Variants in CELSR1 observed in about 807,000 individuals in gnomAD.
The protein encoded by CELSR1 is adhesion G protein-coupled receptor C1.
A neutral mutation model predicts 249.1 loss-of-function variants in CELSR1; 110 were observed. That is an observed-to-expected ratio of 0.44 (90% CI 0.38 to 0.52). The LOEUF (loss-of-function observed/expected upper bound fraction) is 0.52. Ranked by LOEUF, CELSR1 falls within the 20% of genes least tolerant of loss-of-function variation. The pLI, the probability that CELSR1 is intolerant of heterozygous loss-of-function variation, is 0.00. For missense variants in CELSR1, 4,109 were observed against 4,296.4 expected, an observed-to-expected ratio of 0.96 and a Z score of 1.22; for synonymous variants, 2,113 against 1,900.0, an observed-to-expected ratio of 1.11 and a Z score of -2.92.
intron 1 of CELSR1, among the ~76,000 whole-genome samples, chr22:46,533,114 G>C (rs113341242): frequency 6.6e-6 from 1 of 152,184 alleles, no homozygotes; most frequent in Non-Finnish European, 1.5e-5. Flanking sequence ...TTATCTGCAG[G>C]AGACAGAAAA....
In CELSR1 at chr22:46,500,816, C is replaced by T. The variant is rs1320251881; in HGVS notation, c.3544+32811G>A. On this transcript the variant is annotated intron_variant, in intron 1 of 34. Coordinates refer to ENST00000674500, the MANE Select transcript of CELSR1 (RefSeq NM_001378328.1). This position sits in a 1 kb window ranked among gnomAD's most constrained non-coding sequence, Gnocchi z 4.9. ...AGGCCAGCAGCAGGTCAGGCCACTA[C>T]ATTGCGTCTCTCAGGCTCAGAACAT... Among the ~76,000 whole-genome samples, 1 of 152,176 alleles carries T rather than the reference C, an allele frequency of 6.6e-6. No homozygotes were observed. Among genetic ancestry groups the T allele is most frequent in the African/African-American group, 2.4e-5 (1 of 41,446 alleles).
In CELSR1 at chr22:46,410,503, A is replaced by C; in HGVS notation, c.4828T>G (p.Phe1610Val). 6.2e-7 allele frequency: 1 copy of C among 1,614,100 alleles called. No individual in the cohort carries two copies. Among genetic ancestry groups the C allele is most frequent in the Non-Finnish European group, 8.5e-7 (1 of 1,180,012 alleles). The change falls in exon 7 of 35, where the codon TTC (phenylalanine) becomes GTC (valine). Residue 1610 changes from phenylalanine to valine, a missense_variant. This residue lies in a region of CELSR1 where 453 missense variants were observed against 492.0 expected (regional missense o/e 0.92). Transcript: ENST00000674500. The surrounding 1 kb of genome is among the most constrained non-coding windows in gnomAD (Gnocchi z 6.8). The part of the protein sequence containing the change: ...LGGVPNLPED[F>V]PVHNRQFVGC... ...ACGAACTGCCGGTTGTGCACTGGGA[A>C]GTCTTCTGGCAGGTTGGGGACACCC...
rs111236533 is a variant in CELSR1 at position 46,401,923 on chromosome 22, CT to C, written c.5227-2022del. On this transcript the variant is annotated intron_variant, in intron 9 of 34. Transcript: ENST00000674500. The surrounding 1 kb of genome is among the most constrained non-coding windows in gnomAD (Gnocchi z 4.7). ...CCAACAAGGTGAAACCCCATCTCTACTAAAAATACAAAAAATTAGCTGGGCG... is the reference window on the plus strand; with the variant it reads ...CCAACAAGGTGAAACCCCATCTCTACAAAAATACAAAAAATTAGCTGGGCG... Among the ~76,000 whole-genome samples, 11,410 of 152,102 alleles carry C rather than the reference CT, an allele frequency of 0.075. 1,338 individuals are homozygous for C. Among genetic ancestry groups the C allele is most frequent in the African/African-American group, 0.26 (10,611 of 41,450 alleles).
At position 46,380,776 on chromosome 22, in the gene CELSR1, C is replaced by A; in HGVS notation, c.7256+12G>T. ...CAAAGCCCTCACATGGGGCTCCTGGCGTCACACTTACGCCAGGGAGTGGTT... is the reference window on the plus strand; with the variant it reads ...CAAAGCCCTCACATGGGGCTCCTGGAGTCACACTTACGCCAGGGAGTGGTT... On this transcript the variant is annotated intron_variant, in intron 22 of 34. Transcript: ENST00000674500. The surrounding 1 kb of genome is among the most constrained non-coding windows in gnomAD (Gnocchi z 5.1). 1 of 1,609,252 alleles carries A rather than the reference C, an allele frequency of 6.2e-7. No individual in the cohort carries two copies. The highest frequency in any genetic ancestry group is 1.3e-5 in the African/African-American group (1 of 74,982).
chr22:46,375,461 G>A (rs1172939302), intron 24 of CELSR1, among the ~76,000 whole-genome samples: 1 of 151,706 alleles, frequency 6.6e-6, no homozygotes, highest in African/African-American at 2.4e-5. Context: ...TCAGTTCTGG[G>A]TCTCCACCCC....
intron 2 of CELSR1, among the ~76,000 whole-genome samples, chr22:46,461,875 G>A (rs550140514): frequency 1.6e-4 from 24 of 152,352 alleles, no homozygotes; most frequent in Admixed American, 9.8e-4. Context: ...GGCGCTGACC[G>A]TGCTGGCCAC....
chr22:46,368,172 G>A (rs1480464660), intron 27 of CELSR1, among the ~76,000 whole-genome samples: 3 of 152,180 alleles, frequency 2.0e-5, no homozygotes, highest in African/African-American at 4.8e-5. Flanking sequence ...ACTAGCTCCC[G>A]TGAGATACCC....
intron 2 of CELSR1, chr22:46,462,779 G>A (rs542601857): frequency 8.9e-6 from 3 of 337,708 alleles, no homozygotes; most frequent in Admixed American, 4.8e-5. Context: ...GAGAATGTGT[G>A]TTTCTGTACC....
chr22:46,450,955 A>T (rs2147519220), intron 2 of CELSR1, among the ~76,000 whole-genome samples: 1 of 152,318 alleles, frequency 6.6e-6, no homozygotes, highest in East Asian at 1.9e-4. Flanking sequence ...CACCTGCGCA[A>T]GGGCGAGGTT....
intron 26 of CELSR1, 89 bp downstream of exon 26, chr22:46,369,603 G>A: frequency 3.3e-6 from 4 of 1,227,250 alleles, no homozygotes; most frequent in Non-Finnish European, 4.7e-6. Flanking sequence ...GCTGCTCAGA[G>A]GAGTTGGTGG....
At chr22:46,465,827 G>A (rs1034949279) in intron 1 of CELSR1, among the ~76,000 whole-genome samples, 2 of 152,200 alleles carry the variant, frequency 1.3e-5, no homozygotes, top group East Asian at 1.9e-4. Flanking sequence ...TGAGGAAAAC[G>A]GAGGCAGAAG....
chr22:46,435,172 G>C (rs2079643577), intron 4 of CELSR1, among the ~76,000 whole-genome samples: 1 of 146,294 alleles, frequency 6.8e-6, no homozygotes, highest in African/African-American at 2.5e-5. Context: ...GGCTGGTCTT[G>C]AACTTCTGAG....
At position 46,395,226 on chromosome 22, in the gene CELSR1, G is replaced by A. The variant is rs968854523; in HGVS notation, c.5844-964C>T. ...CCCCTGCAGCAGTGGTGACTGTGGC[G>A]CCGGGCATGGAGATGCTGGATCAGC... On this transcript the variant is annotated intron_variant, in intron 13 of 34. Coordinates refer to ENST00000674500, the MANE Select transcript of CELSR1 (RefSeq NM_001378328.1). The surrounding 1 kb of genome is among the most constrained non-coding windows in gnomAD (Gnocchi z 5.5). Among the ~76,000 whole-genome samples, 3 of 152,152 alleles carry A rather than the reference G, an allele frequency of 2.0e-5. No homozygotes were observed. Among genetic ancestry groups the A allele is most frequent in the East Asian group, 1.9e-4 (1 of 5,200 alleles).
intron 1 of CELSR1, among the ~76,000 whole-genome samples, chr22:46,465,520 G>A (rs2080087044): frequency 6.6e-6 from 1 of 152,202 alleles, no homozygotes; most frequent in Admixed American, 6.5e-5. Context: ...GGCCTTTGGA[G>A]GGTGATGAGG....
In CELSR1 at chr22:46,537,014, C is replaced by T; in HGVS notation, c.157G>A (p.Gly53Ser). Reference protein sequence around the residue: ...ALRPGCTYAVGAACTPRAPRE... With the variant: ...ALRPGCTYAVSAACTPRAPRE... ...GGCGCCCGGGGCGTGCAAGCGGCGC[C>T]CACCGCGTAGGTACAGCCGGGCCGG... The change falls in exon 1 of 35, where the codon GGC (glycine) becomes AGC (serine). Residue 53 changes from glycine (G) to serine (S), a missense_variant. Coordinates refer to ENST00000674500, the MANE Select transcript of CELSR1 (RefSeq NM_001378328.1). The surrounding 1 kb of genome is among the most constrained non-coding windows in gnomAD (Gnocchi z 5.8). The T allele has an allele frequency of 9.0e-7, 1 of 1,108,258 alleles. No homozygotes were observed. Among genetic ancestry groups the T allele is most frequent in the Non-Finnish European group, 1.1e-6 (1 of 910,128 alleles). The allele number at this position is 1,108,258 out of a possible 1,614,324, so 68.7% of individuals were successfully genotyped here. A position where few individuals can be genotyped will look rare whatever the true frequency, so the allele number is the denominator to read the frequency against.
In CELSR1 at chr22:46,398,496, C is replaced by G; in HGVS notation, c.5526+28G>C. The G allele has an allele frequency of 6.8e-6, 10 of 1,473,342 alleles. No homozygotes were observed. Among genetic ancestry groups the G allele is most frequent in the African/African-American group, 1.4e-5 (1 of 71,534 alleles). The allele number at this position is 1,473,342 out of a possible 1,614,324, so 91.3% of individuals were successfully genotyped here. A position where few individuals can be genotyped will look rare whatever the true frequency, so the allele number is the denominator to read the frequency against. On this transcript the variant is annotated intron_variant, in intron 11 of 34. Transcript: ENST00000674500. The surrounding 1 kb of genome is among the most constrained non-coding windows in gnomAD (Gnocchi z 7.2). The stretch of plus-strand genomic sequence containing the variant: ...GGAGCTGCCTGTGAGGGGCAGGCCT[C>G]CCCCCGCCCCCCACAACCCCCACGC...
intron 1 of CELSR1, chr22:46,481,603 G>T: frequency 1.4e-6 from 1 of 732,226 alleles, no homozygotes; most frequent in South Asian, 1.6e-5. Flanking sequence ...CACCTGCTCC[G>T]TGGAGGCCTG....
intron 2 of CELSR1, among the ~76,000 whole-genome samples, chr22:46,456,659 T>A (rs1265220355): frequency 2.4e-5 from 2 of 83,140 alleles, no homozygotes; most frequent in African/African-American, 5.7e-5. Context: ...CGAGACTCTG[T>A]CTAAAAAAAA....
chr22:46,400,961 A>AAAAAT (rs1285460760), intron 9 of CELSR1, among the ~76,000 whole-genome samples: 1 of 152,080 alleles, frequency 6.6e-6, no homozygotes, highest in Non-Finnish European at 1.5e-5. Context: ...CAAAAAAAAA[A>AAAAAT]AAAGTATAGG....
Sources: gnomAD v4.1 joint callset for allele counts (sites outside exome capture counted in the v4.1 genomes callset) on GRCh38, gnomAD v4.1.1 for gene constraint, gnomAD v4.1.1 regional missense constraint, Gnocchi (gnomAD v3.1) non-coding constraint, MANE v1.5 for transcripts, NCBI Gene and HGNC (gene_info 2026-07-23, HGNC 2026-07-21) for gene names.